The following CAMKMT variants were observed in gnomAD, a reference collection of about 807,000 sequenced individuals.
CAMKMT encodes CaM KMT.
CAMKMT carries 53 observed loss-of-function variants against 48.0 expected under a neutral mutation model. The observed-to-expected ratio is 1.10, with a 90% CI of 0.89 to 1.39. The LOEUF is 1.39. Among genes scored for constraint, CAMKMT ranks in the 40% most tolerant of loss-of-function variants. The pLI, the probability that CAMKMT is intolerant of heterozygous loss-of-function variation, is 0.00. For missense variants in CAMKMT, 428 were observed against 402.7 expected (o/e 1.06, Z -0.54); for synonymous variants, 165 against 152.3 (o/e 1.08, Z -0.61).
At chr2:44,627,700 T>C (rs1177625338) in intron 3 of CAMKMT, among the ~76,000 whole-genome samples, 1 of 80,158 alleles carries the variant, frequency 1.2e-5, no homozygotes, top group Non-Finnish European at 3.1e-5. Flanking sequence ...TTTTATCCTT[T>C]TTTTTTTTTT....
At position 44,645,348 on chromosome 2, in the gene CAMKMT, G is replaced by A. The variant is rs149982690; in HGVS notation, c.377-58935G>A. 5.4e-3 allele frequency among the ~76,000 whole-genome samples: 815 copies of A among 152,276 alleles called. 8 individuals are homozygous for A. The highest frequency in any genetic ancestry group is 0.019 in the African/African-American group (774 of 41,546). On this transcript the variant is annotated intron_variant, in intron 3 of 10. Coordinates refer to ENST00000378494, the MANE Select transcript of CAMKMT (RefSeq NM_024766.5). Reference sequence around the variant, plus strand: ...GAATGCCAACCAGCAGCACATTCAGGCCACATACAAACCACAGCGGAGAGG... The same window carrying A: ...GAATGCCAACCAGCAGCACATTCAGACCACATACAAACCACAGCGGAGAGG...
chr2:44,624,573 C>T lies in CAMKMT; in HGVS notation c.377-79710C>T, dbSNP rs566087955. Among the ~76,000 whole-genome samples, 12 of 152,080 alleles carry T rather than the reference C, an allele frequency of 7.9e-5. No homozygotes were observed. The East Asian group carries it at 1.5e-3, about 20-fold the overall frequency. ...GTTCCTACCTATGAGTGAGAACATG[C>T]GGTGTTTGGTTTTTTGTCCTTGCAG... On this transcript the variant is annotated intron_variant, in intron 3 of 10. Transcript: ENST00000378494.
intron 8 of CAMKMT, among the ~76,000 whole-genome samples, chr2:44,746,630 T>A (rs1260059120): frequency 6.6e-6 from 1 of 152,170 alleles, no homozygotes; most frequent in Non-Finnish European, 1.5e-5. Flanking sequence ...AATGTCAACT[T>A]TGAAATAAAC....
intron 3 of CAMKMT, among the ~76,000 whole-genome samples, chr2:44,412,813 C>A (rs144595143): frequency 1.3e-5 from 2 of 151,888 alleles, no homozygotes; most frequent in African/African-American, 4.8e-5. Context: ...CGGTGGCTCA[C>A]GCCTGTAATC....
chr2:44,485,020 C>G (rs1302302947), intron 3 of CAMKMT, among the ~76,000 whole-genome samples: 2 of 152,030 alleles, frequency 1.3e-5, no homozygotes, highest in Non-Finnish European at 2.9e-5. Flanking sequence ...AAATAAGATA[C>G]CAACATATTT....
chr2:44,634,364 C>T (rs918844893), intron 3 of CAMKMT, among the ~76,000 whole-genome samples: 7 of 151,818 alleles, frequency 4.6e-5, no homozygotes, highest in African/African-American at 7.3e-5. Flanking sequence ...TCTCAGAGAT[C>T]GCAGTCCTTT....
intron 7 of CAMKMT, among the ~76,000 whole-genome samples, chr2:44,734,528 C>T (rs1679255933): frequency 6.6e-6 from 1 of 152,118 alleles, no homozygotes; most frequent in African/African-American, 2.4e-5. Flanking sequence ...TATTCTCCTG[C>T]TCCAGCCTCC....
At chr2:44,542,744 C>A (rs1431419706) in intron 3 of CAMKMT, among the ~76,000 whole-genome samples, 1 of 152,056 alleles carries the variant, frequency 6.6e-6, no homozygotes, top group Non-Finnish European at 1.5e-5. Context: ...GAAGCAGGGA[C>A]AGTATTCCGA....
At chr2:44,679,732 C>A (rs896508729) in intron 3 of CAMKMT, among the ~76,000 whole-genome samples, 4 of 152,342 alleles carry the variant, frequency 2.6e-5, no homozygotes, top group African/African-American at 9.6e-5. Flanking sequence ...TATTTCAGTA[C>A]CAATTTAGCA....
At chr2:44,675,943 G>A (rs1412354880) in intron 3 of CAMKMT, among the ~76,000 whole-genome samples, 1 of 152,136 alleles carries the variant, frequency 6.6e-6, no homozygotes. Flanking sequence ...TTTGTGGCTA[G>A]CTTGTTTTAC....
At chr2:44,581,432 T>C (rs1390521058) in intron 3 of CAMKMT, among the ~76,000 whole-genome samples, 1 of 152,232 alleles carries the variant, frequency 6.6e-6, no homozygotes, top group African/African-American at 2.4e-5. Flanking sequence ...AAGTTTGTTA[T>C]ATTCTACTGC....
intron 3 of CAMKMT, among the ~76,000 whole-genome samples, chr2:44,647,958 G>A (rs1224860266): frequency 6.8e-6 from 1 of 147,842 alleles, no homozygotes. Flanking sequence ...ATGATTGCCT[G>A]TATAAGGATG....
chr2:44,476,967 GA>G (rs1412184700), intron 3 of CAMKMT, among the ~76,000 whole-genome samples: 1 of 152,120 alleles, frequency 6.6e-6, no homozygotes, highest in Non-Finnish European at 1.5e-5. Context: ...AGTAATGAAA[GA>G]AAGCTTTTAT....
chr2:44,659,080 T>G (rs893323081), intron 3 of CAMKMT, among the ~76,000 whole-genome samples: 4 of 139,898 alleles, frequency 2.9e-5, no homozygotes, highest in Non-Finnish European at 4.5e-5. Context: ...GTGTAGTTTT[T>G]TTTTTTTTTT....
At chr2:44,704,022 G>A (rs1345075467) in intron 3 of CAMKMT, among the ~76,000 whole-genome samples, 1 of 152,054 alleles carries the variant, frequency 6.6e-6, no homozygotes, top group African/African-American at 2.4e-5. Context: ...GATTTTGGTT[G>A]TTACTGTTTT....
intron 3 of CAMKMT, among the ~76,000 whole-genome samples, chr2:44,612,208 A>G (rs1311773151): frequency 6.6e-6 from 1 of 152,216 alleles, no homozygotes; most frequent in Non-Finnish European, 1.5e-5. Flanking sequence ...ACCTGATAAT[A>G]GTAAACAAAA....
intron 3 of CAMKMT, among the ~76,000 whole-genome samples, chr2:44,427,478 AAG>A (rs1318973670): frequency 6.6e-6 from 1 of 152,240 alleles, no homozygotes; most frequent in African/African-American, 2.4e-5. Context: ...TGCCATTGAA[AAG>A]TGGGCAAAGG....
chr2:44,395,455 A>T lies in CAMKMT; in HGVS notation c.376+5150A>T, dbSNP rs755822571. On this transcript the variant is annotated intron_variant, in intron 3 of 10. Coordinates refer to ENST00000378494, the MANE Select transcript of CAMKMT (RefSeq NM_024766.5). ...ATTGTATATCTATATTTATATACAG[A>T]TATATACATATACACAGTACAGTGG... Among the ~76,000 whole-genome samples the T allele has an allele frequency of 2.6e-5, 4 of 152,152 alleles. No homozygotes were observed. In the East Asian group the frequency reaches 7.7e-4, roughly 29 times the overall value.
intron 2 of CAMKMT, among the ~76,000 whole-genome samples, chr2:44,382,645 AT>A (rs1220472649): frequency 6.6e-6 from 1 of 151,642 alleles, no homozygotes; most frequent in African/African-American, 2.4e-5. Context: ...CGCCCAGCTA[AT>A]CTTTTTGTAT....
Sources: allele counts gnomAD v4.1 joint callset (sites outside exome capture counted in the v4.1 genomes callset), GRCh38; gene constraint gnomAD v4.1.1; transcripts MANE v1.5; gene names NCBI Gene and HGNC (gene_info 2026-07-23, HGNC 2026-07-21).